Variants in FHIT observed in about 807,000 individuals in gnomAD.
The protein encoded by FHIT is bis(5'-adenosyl)-triphosphatase.
Under a neutral mutation model 17.9 loss-of-function variants are expected in FHIT, and 19 were observed. The ratio of observed to expected loss-of-function variants is 1.06; its 90% confidence interval spans 0.74 to 1.56. FHIT has a LOEUF of 1.56. FHIT is among the 40% of genes most tolerant of loss of function. The pLI is 0.00. For missense variants in FHIT, 248 were observed against 189.2 expected (o/e 1.31, Z -1.82); for synonymous variants, 81 against 69.7 (o/e 1.16, Z -0.81).
chr3:60,513,878 G>C lies in FHIT; in HGVS notation c.103+22982C>G, dbSNP rs372737911. ...TGCCCATAAGAACCCCAAACCCCAC[G>C]CTCCATGAGCAGAAGAGCAGCAGAG... On this transcript the variant is annotated intron_variant, in intron 5 of 9. Transcript: ENST00000492590. Among the ~76,000 whole-genome samples, 11 of 152,122 alleles carry C rather than the reference G, an allele frequency of 7.2e-5. No individual in the cohort carries two copies. In the South Asian group the frequency reaches 2.3e-3, roughly 32 times the overall value.
At chr3:59,927,641 T>G (rs1436130439) in intron 7 of FHIT, among the ~76,000 whole-genome samples, 2 of 151,918 alleles carry the variant, frequency 1.3e-5, no homozygotes, top group African/African-American at 4.8e-5. Context: ...TGGTGGCACA[T>G]GCCTGTAATC....
intron 3 of FHIT, among the ~76,000 whole-genome samples, chr3:60,992,031 G>T (rs1364374271): frequency 6.6e-6 from 1 of 152,100 alleles, no homozygotes; most frequent in African/African-American, 2.4e-5. Flanking sequence ...GGAAAAACTG[G>T]AAATAATTCA....
intron 4 of FHIT, among the ~76,000 whole-genome samples, chr3:60,780,331 G>A (rs2205345): frequency 0.45 from 68,745 of 151,902 alleles, 16,630 homozygotes; most frequent in African/African-American, 0.57. Context: ...AGAAAGAGTT[G>A]GTTTCCCAAA....
chr3:60,736,319 C>G (rs546898342), intron 4 of FHIT, among the ~76,000 whole-genome samples: 2 of 152,120 alleles, frequency 1.3e-5, no homozygotes, highest in South Asian at 4.2e-4. Context: ...TATACAAGTA[C>G]ACACACACAT....
chr3:60,737,112 G>A (rs748974635), intron 4 of FHIT, among the ~76,000 whole-genome samples: 1 of 152,180 alleles, frequency 6.6e-6, no homozygotes, highest in Non-Finnish European at 1.5e-5. Flanking sequence ...TTAACAGCAT[G>A]CAACATATTG....
At chr3:60,040,823 T>C (rs1701407906) in intron 5 of FHIT, among the ~76,000 whole-genome samples, 1 of 152,150 alleles carries the variant, frequency 6.6e-6, no homozygotes, top group Non-Finnish European at 1.5e-5. Context: ...ACATGATTTC[T>C]GTTTCTTTGA....
At chr3:60,338,907 G>T (rs780084195) in intron 5 of FHIT, among the ~76,000 whole-genome samples, 2 of 152,088 alleles carry the variant, frequency 1.3e-5, no homozygotes, top group Non-Finnish European at 2.9e-5. Flanking sequence ...AAACCTCAGC[G>T]CACTACTTAA....
At chr3:60,459,393 T>G (rs1482112867) in intron 5 of FHIT, among the ~76,000 whole-genome samples, 1 of 152,128 alleles carries the variant, frequency 6.6e-6, no homozygotes, top group Non-Finnish European at 1.5e-5. Context: ...AAAGAGTGGG[T>G]TGGGAAAAAT....
chr3:60,445,753 C>A (rs2031288381), intron 5 of FHIT, among the ~76,000 whole-genome samples: 1 of 150,674 alleles, frequency 6.6e-6, no homozygotes, highest in African/African-American at 2.5e-5. Flanking sequence ...GACAAAGACA[C>A]AGATGTGATT....
intron 5 of FHIT, among the ~76,000 whole-genome samples, chr3:60,099,694 G>A (rs1420015063): frequency 1.3e-5 from 2 of 152,034 alleles, no homozygotes; most frequent in African/African-American, 4.8e-5. Context: ...AAATACAGAT[G>A]GTCCCTAACT....
chr3:60,539,110 C>T (rs1004082841), intron 4 of FHIT, among the ~76,000 whole-genome samples: 1 of 152,172 alleles, frequency 6.6e-6, no homozygotes, highest in Non-Finnish European at 1.5e-5. Flanking sequence ...AAACAAACAA[C>T]CCCATCAACA....
chr3:61,014,020 C>T (rs1553798462), intron 3 of FHIT, among the ~76,000 whole-genome samples: 11 of 152,022 alleles, frequency 7.2e-5, no homozygotes, highest in Non-Finnish European at 1.5e-5. Flanking sequence ...AGAGACGGGG[C>T]AAGGAGGGCA....
chr3:60,720,246 A>T (rs1352175159), intron 4 of FHIT, among the ~76,000 whole-genome samples: 1 of 152,040 alleles, frequency 6.6e-6, no homozygotes, highest in African/African-American at 2.4e-5. Context: ...TCAACTCTTT[A>T]CCTGGTTAAC....
chr3:60,081,781 G>C (rs1424976131), intron 5 of FHIT, among the ~76,000 whole-genome samples: 1 of 152,106 alleles, frequency 6.6e-6, no homozygotes, highest in African/African-American at 2.4e-5. Flanking sequence ...ACCCTAATCA[G>C]AGAGAGTGCC....
chr3:60,612,062 G>A (rs902445130), intron 4 of FHIT, among the ~76,000 whole-genome samples: 1 of 152,064 alleles, frequency 6.6e-6, no homozygotes, highest in Non-Finnish European at 1.5e-5. Flanking sequence ...TCACTGAACT[G>A]GCCCAGAAAT....
intron 5 of FHIT, among the ~76,000 whole-genome samples, chr3:60,282,773 A>C (rs1315433639): frequency 6.6e-6 from 1 of 152,168 alleles, no homozygotes; most frequent in Admixed American, 6.5e-5. Flanking sequence ...TAAAAAATAA[A>C]GTATTTTAAT....
In FHIT at chr3:60,027,537, C is replaced by A. The variant is rs201658821; in HGVS notation, c.104-13385G>T. Among the ~76,000 whole-genome samples, 6 of 152,050 alleles carry A rather than the reference C, an allele frequency of 3.9e-5. No homozygotes were observed. The East Asian group carries it at 1.2e-3, about 29-fold the overall frequency. On this transcript the variant is annotated intron_variant, in intron 5 of 9. Transcript: ENST00000492590. ...ATAGAAACTGCTTAAATAACCACAG[C>A]TAAAATAAGTGTCACAAGTTTCTTA...
At chr3:60,491,273 T>C (rs79641979) in intron 5 of FHIT, among the ~76,000 whole-genome samples, 3,426 of 152,170 alleles carry the variant, frequency 0.023, 136 homozygotes, top group African/African-American at 0.078. Flanking sequence ...CAAACCGATG[T>C]AGTTTCTCTC....
chr3:60,079,638 T>C (rs1418162782), intron 5 of FHIT, among the ~76,000 whole-genome samples: 1 of 151,974 alleles, frequency 6.6e-6, no homozygotes, highest in African/African-American at 2.4e-5. Context: ...TGGCTTTGTT[T>C]TGAAAAAAAT....
Sources: gnomAD v4.1 joint callset for allele counts (sites outside exome capture counted in the v4.1 genomes callset) on GRCh38, gnomAD v4.1.1 for gene constraint, MANE v1.5 for transcripts, NCBI Gene and HGNC (gene_info 2026-07-23, HGNC 2026-07-21) for gene names.